Variants in NLGN4Y observed in about 807,000 individuals in gnomAD.
The protein encoded by NLGN4Y is neuroligin-4, Y-linked.
A neutral mutation model predicts 8.4 loss-of-function variants in NLGN4Y; 4 were observed. That is an observed-to-expected ratio of 0.48 (90% CI 0.23 to 1.09). NLGN4Y has a LOEUF of 1.09. Ranked by LOEUF, NLGN4Y falls within the 50% of genes least tolerant of loss-of-function variation. The pLI is 0.19. For missense variants in NLGN4Y, 90 were observed against 192.3 expected, an observed-to-expected ratio of 0.47 and a Z score of 3.15; for synonymous variants, 35 against 75.6, an observed-to-expected ratio of 0.46 and a Z score of 2.78.
At chrY:14,525,869 G>A in intron 1 of NLGN4Y, among the ~76,000 whole-genome samples, 4 of 32,486 alleles carry the variant, frequency 1.2e-4, no homozygotes, top group African/African-American at 4.9e-4. Flanking sequence ...CAAAAGCAAA[G>A]AAAAGGAAAA....
At chrY:14,704,371 G>A (rs1603502983) in intron 2 of NLGN4Y, among the ~76,000 whole-genome samples, 2 of 33,335 alleles carry the variant, frequency 6.0e-5, no homozygotes, top group Non-Finnish European at 1.5e-4. Flanking sequence ...TAGCATTAAA[G>A]GTTGTTGAAG....
At chrY:14,777,265 C>T (rs950519682) in intron 4 of NLGN4Y, among the ~76,000 whole-genome samples, 1 of 33,612 alleles carries the variant, frequency 3.0e-5, no homozygotes, top group African/African-American at 1.2e-4. Context: ...CAGTTAAATT[C>T]GGTGAACTAT....
intron 2 of NLGN4Y, among the ~76,000 whole-genome samples, chrY:14,655,369 G>A: frequency 2.5e-4 from 7 of 27,949 alleles, no homozygotes; most frequent in African/African-American, 9.9e-4. Flanking sequence ...TCTCTTTCTG[G>A]GTCTTTTTTT....
chrY:14,754,891 C>A (rs2081052165), intron 4 of NLGN4Y, among the ~76,000 whole-genome samples: 1 of 32,441 alleles, frequency 3.1e-5, no homozygotes, highest in Admixed American at 2.9e-4. Context: ...TCATTTATTT[C>A]TCACCAGTGT....
intron 2 of NLGN4Y, among the ~76,000 whole-genome samples, chrY:14,661,499 A>T: frequency 3.0e-5 from 1 of 32,851 alleles, no homozygotes; most frequent in Non-Finnish European, 7.5e-5. Flanking sequence ...CTAAAATTAA[A>T]AAACAAACAA....
intron 2 of NLGN4Y, among the ~76,000 whole-genome samples, chrY:14,675,764 C>A: frequency 1.2e-4 from 4 of 32,252 alleles, no homozygotes; most frequent in Non-Finnish European, 3.0e-4. Flanking sequence ...GAGAGAGAAC[C>A]CACTCCTGCA....
At chrY:14,715,308 T>G (rs2080911865) in intron 2 of NLGN4Y, among the ~76,000 whole-genome samples, 1 of 33,445 alleles carries the variant, frequency 3.0e-5, no homozygotes, top group African/African-American at 1.2e-4. Flanking sequence ...TATACTCAAA[T>G]GATTATAAAT....
chrY:14,816,296 C>A (rs766787911), intron 4 of NLGN4Y, among the ~76,000 whole-genome samples: 8 of 34,014 alleles, frequency 2.4e-4, no homozygotes, highest in African/African-American at 9.2e-4. Context: ...TCCACAGGTA[C>A]TTCTAATGGG....
intron 4 of NLGN4Y, among the ~76,000 whole-genome samples, chrY:14,786,165 G>C: frequency 3.0e-5 from 1 of 33,088 alleles, no homozygotes; most frequent in African/African-American, 1.2e-4. Context: ...GGATAGCCCA[G>C]CACATTAAAT....
chrY:14,836,013 C>A, intron 6 of NLGN4Y, among the ~76,000 whole-genome samples: 1 of 33,260 alleles, frequency 3.0e-5, no homozygotes, highest in Non-Finnish European at 7.4e-5. Flanking sequence ...ACCATGAAAG[C>A]CTTGATCAAG....
intron 4 of NLGN4Y, among the ~76,000 whole-genome samples, chrY:14,778,852 T>C: frequency 3.0e-5 from 1 of 33,784 alleles, no homozygotes; most frequent in Non-Finnish European, 7.3e-5. Context: ...TCTTTAGTTA[T>C]TTTAAAATAC....
intron 4 of NLGN4Y, among the ~76,000 whole-genome samples, chrY:14,768,998 G>A: frequency 3.0e-5 from 1 of 33,264 alleles, no homozygotes; most frequent in Non-Finnish European, 7.4e-5. Context: ...CCCTGAATAC[G>A]TGGGAATTTC....
chrY:14,700,828 T>A, intron 2 of NLGN4Y, among the ~76,000 whole-genome samples: 2 of 33,479 alleles, frequency 6.0e-5, no homozygotes, highest in Non-Finnish European at 1.5e-4. Flanking sequence ...TGCAGTTCAA[T>A]ACTTAATATT....
intron 1 of NLGN4Y, among the ~76,000 whole-genome samples, chrY:14,530,002 T>C: frequency 3.6e-5 from 1 of 27,719 alleles, no homozygotes; most frequent in Non-Finnish European, 8.3e-5. Flanking sequence ...CATATATATA[T>C]ATATATATAT....
At chrY:14,527,446 T>G in intron 1 of NLGN4Y, among the ~76,000 whole-genome samples, 1 of 34,320 alleles carries the variant, frequency 2.9e-5, no homozygotes, top group African/African-American at 1.1e-4. Context: ...CAGAATGTAT[T>G]CTTTCTATAC....
intron 2 of NLGN4Y, among the ~76,000 whole-genome samples, chrY:14,660,260 T>C: frequency 8.9e-5 from 3 of 33,681 alleles, no homozygotes; most frequent in African/African-American, 3.5e-4. Flanking sequence ...ACCTGAGAGA[T>C]GAGCAGGGAT....
intron 2 of NLGN4Y, among the ~76,000 whole-genome samples, chrY:14,667,987 G>C: frequency 3.0e-5 from 1 of 33,214 alleles, no homozygotes. Context: ...TTTAAGCAGG[G>C]CTCTGTCAAA....
At chrY:14,555,287 G>T in intron 1 of NLGN4Y, among the ~76,000 whole-genome samples, 1 of 33,430 alleles carries the variant, frequency 3.0e-5, no homozygotes. Context: ...AGTTCTGGAG[G>T]CTGGGAATTC....
At chrY:14,757,842 ATAGTTGGGATTACAGGCC>A (rs2081066932) in intron 4 of NLGN4Y, among the ~76,000 whole-genome samples, 3 of 34,772 alleles carry the variant, frequency 8.6e-5, no homozygotes, top group Non-Finnish European at 2.2e-4. Flanking sequence ...TCAGTCTTGC[ATAGTTGGGATTACAGGCC>A]TAGGCCACTG....
Sources: allele counts gnomAD v4.1 joint callset (sites outside exome capture counted in the v4.1 genomes callset), GRCh38; gene constraint gnomAD v4.1.1; transcripts MANE v1.5; gene names NCBI Gene and HGNC (gene_info 2026-07-23, HGNC 2026-07-21).